Variants in PCDH11X observed in about 807,000 individuals in gnomAD.
The protein encoded by PCDH11X is protocadherin 11 X-linked.
Under a neutral mutation model 53.3 loss-of-function variants are expected in PCDH11X, and 18 were observed. The observed-to-expected ratio is 0.34, with a 90% CI of 0.23 to 0.50. The LOEUF (loss-of-function observed/expected upper bound fraction) is 0.50. Ranked by LOEUF, PCDH11X falls within the 20% of genes least tolerant of loss-of-function variation. The pLI is 0.98. For synonymous variants in PCDH11X, 279 were observed against 393.3 expected, an observed-to-expected ratio of 0.71 and a Z score of 3.44; for missense variants, 570 against 1,032.4, an observed-to-expected ratio of 0.55 and a Z score of 6.14.
Position 91,991,031 on chromosome X carries a change from G to A in PCDH11X, c.3033+111758G>A, listed in dbSNP as rs749492836. Among the ~76,000 whole-genome samples the A allele has an allele frequency of 6.5e-5, 7 of 108,082 alleles. No individual in the cohort carries two copies. In the East Asian group the frequency reaches 1.8e-3, roughly 28 times the overall value. The allele number at this position is 108,082 out of a possible 115,157, so 93.9% of individuals were successfully genotyped here. ...GAGTTGCTTGTCATTGCTAGCTTAA[G>A]ATGGGAGCTCTGGCTTTCCACTAGG... is the stretch of plus-strand genomic sequence containing the variant. On this transcript the variant is annotated intron_variant, in intron 6 of 10. Coordinates refer to ENST00000682573, the MANE Select transcript of PCDH11X (RefSeq NM_032968.5).
chrX:92,049,909 G>A (rs2063343404), intron 6 of PCDH11X, among the ~76,000 whole-genome samples: 1 of 110,751 alleles, frequency 9.0e-6, no homozygotes, highest in African/African-American at 3.3e-5. Flanking sequence ...GAGTAGCTGG[G>A]GTTACAGGCG....
chrX:92,144,022 G>A (rs1198898838), intron 6 of PCDH11X, among the ~76,000 whole-genome samples: 12 of 111,948 alleles, frequency 1.1e-4, no homozygotes, highest in Non-Finnish European at 1.9e-4. Flanking sequence ...ATTGGATTTC[G>A]GATTTGCATG....
At chrX:92,291,619 G>A (rs1323810099) in intron 8 of PCDH11X, among the ~76,000 whole-genome samples, 15 of 102,332 alleles carry the variant, frequency 1.5e-4, no homozygotes, top group Non-Finnish European at 3.0e-4. Context: ...ATATATTAAA[G>A]ATTATTAGTT....
At position 92,194,014 on chromosome X, in the gene PCDH11X, A is replaced by T. The variant is rs182581453; in HGVS notation, c.3034-7361A>T. On this transcript the variant is annotated intron_variant, in intron 6 of 10. Transcript: ENST00000682573. ...TCTTTAAAAAATTGGACAACATTCA[A>T]GAGACTCGCCCAGGTACTACTTACA... Among the ~76,000 whole-genome samples the T allele has an allele frequency of 2.4e-4, 27 of 112,211 alleles. No homozygotes were observed. The East Asian group carries it at 7.5e-3, about 31-fold the overall frequency.
At chrX:91,882,652 G>T (rs770115383) in intron 6 of PCDH11X, among the ~76,000 whole-genome samples, 112 of 110,025 alleles carry the variant, frequency 1.0e-3, no homozygotes, top group African/African-American at 3.6e-3. Flanking sequence ...TGAGGTGAAT[G>T]AATGGTGAAA....
At chrX:92,360,281 T>C (rs1264887034) in intron 8 of PCDH11X, among the ~76,000 whole-genome samples, 1 of 111,257 alleles carries the variant, frequency 9.0e-6, no homozygotes, top group African/African-American at 3.3e-5. Context: ...GAAATACAGC[T>C]TTATTTCTTG....
In PCDH11X at chrX:92,101,969, C is replaced by T. The variant is rs752729557; in HGVS notation, c.3034-99406C>T. On this transcript the variant is annotated intron_variant, in intron 6 of 10. Coordinates refer to ENST00000682573, the MANE Select transcript of PCDH11X (RefSeq NM_032968.5). ...ATAGCCTGCCTTTGCTGGTATGTGG[C>T]GATTAGGCCTGGTGGAACTGCCATC... is the stretch of plus-strand genomic sequence containing the variant. Among the ~76,000 whole-genome samples the T allele has an allele frequency of 3.4e-3, 380 of 111,328 alleles. 2 individuals carry two copies. Among genetic ancestry groups the T allele is most frequent in the South Asian group, 7.5e-3 (20 of 2,655 alleles).
chrX:92,054,479 TGCTTCTTCACCAGAAGTTCAAGGAAGA>T (rs1441264973), intron 6 of PCDH11X, among the ~76,000 whole-genome samples: 3 of 111,625 alleles, frequency 2.7e-5, no homozygotes, highest in African/African-American at 6.5e-5. Context: ...ATAGAGTCAT[TGCTTCTTCACCAGAAGTTCAAGGAAGA>T]ACTTCTTGGA....
At chrX:92,469,793 T>A (rs1407003584) in intron 10 of PCDH11X, among the ~76,000 whole-genome samples, 1 of 111,425 alleles carries the variant, frequency 9.0e-6, no homozygotes, top group Non-Finnish European at 1.9e-5. Context: ...ACAATACTAT[T>A]TTGGTTAGTA....
chrX:91,954,325 T>C (rs914287504), intron 6 of PCDH11X, among the ~76,000 whole-genome samples: 2 of 111,650 alleles, frequency 1.8e-5, no homozygotes, highest in Non-Finnish European at 3.8e-5. Context: ...TTCCATGGTG[T>C]ATATGTACCA....
intron 1 of PCDH11X, among the ~76,000 whole-genome samples, chrX:91,806,149 T>A (rs1936097952): frequency 8.8e-6 from 1 of 113,818 alleles, no homozygotes; most frequent in African/African-American, 3.2e-5. Flanking sequence ...ATTTGCTAAT[T>A]TTTGAAAATT....
intron 7 of PCDH11X, among the ~76,000 whole-genome samples, chrX:92,239,424 C>T (rs1423612015): frequency 9.0e-6 from 1 of 111,598 alleles, no homozygotes; most frequent in Non-Finnish European, 1.9e-5. Flanking sequence ...GGGAATCACA[C>T]ATGCTTTGTA....
rs778127169 is a variant in PCDH11X at position 91,846,479 on chromosome X, G to A, written c.540+10435G>A. Among the ~76,000 whole-genome samples, 12 of 109,640 alleles carry A rather than the reference G, an allele frequency of 1.1e-4. 1 individual carries two copies. In the East Asian group the frequency reaches 3.2e-3, roughly 29 times the overall value. On this transcript the variant is annotated intron_variant, in intron 5 of 10. Transcript: ENST00000682573. The stretch of plus-strand genomic sequence containing the variant: ...AAAAATACAAAAAAATTAGCCGGGC[G>A]TGGTCGCGGGCTCCTGTAGTCCCAG...
intron 8 of PCDH11X, among the ~76,000 whole-genome samples, chrX:92,301,734 C>CTTTTTTTTTTTTTTTT (rs1569459116): frequency 9.1e-6 from 1 of 109,723 alleles, no homozygotes; most frequent in African/African-American, 3.4e-5. Flanking sequence ...GCTTCCTTTT[C>CTTTTTTTTTTTTTTTT]TTGTGTTGTC....
chrX:92,092,973 C>A (rs1366019663), intron 6 of PCDH11X, among the ~76,000 whole-genome samples: 1 of 111,027 alleles, frequency 9.0e-6, no homozygotes, highest in Non-Finnish European at 1.9e-5. Flanking sequence ...TGAGTTGTTG[C>A]AAGACCTGGT....
chrX:92,240,914 G>A (rs1055570054), intron 7 of PCDH11X, among the ~76,000 whole-genome samples: 1 of 109,989 alleles, frequency 9.1e-6, no homozygotes, highest in Non-Finnish European at 1.9e-5. Context: ...CTGTCTCTAT[G>A]TCTGACAATC....
intron 6 of PCDH11X, among the ~76,000 whole-genome samples, chrX:92,016,211 T>A (rs900191466): frequency 9.0e-6 from 1 of 111,716 alleles, no homozygotes; most frequent in African/African-American, 3.2e-5. Flanking sequence ...TTGTTCCATG[T>A]GTAGAGCACA....
intron 10 of PCDH11X, among the ~76,000 whole-genome samples, chrX:92,477,203 G>T (rs1478437979): frequency 1.1e-5 from 1 of 93,101 alleles, no homozygotes; most frequent in Non-Finnish European, 2.1e-5. Context: ...ATTTCCCCAG[G>T]CCCCAGGTAT....
intron 6 of PCDH11X, among the ~76,000 whole-genome samples, chrX:91,993,425 C>T (rs1231784671): frequency 1.8e-5 from 2 of 112,138 alleles, no homozygotes; most frequent in African/African-American, 6.5e-5. Context: ...TTCTCCTCAC[C>T]TGTAAGGCTG....
Sources: gnomAD v4.1 joint callset for allele counts (sites outside exome capture counted in the v4.1 genomes callset) on GRCh38, gnomAD v4.1.1 for gene constraint, MANE v1.5 for transcripts, NCBI Gene and HGNC (gene_info 2026-07-23, HGNC 2026-07-21) for gene names.